Variants in CD33 observed in about 807,000 individuals in gnomAD.
The protein encoded by CD33 is myeloid cell surface antigen CD33.
A neutral mutation model predicts 31.4 loss-of-function variants in CD33; 25 were observed. The observed-to-expected ratio is 0.80, with a 90% confidence interval of 0.58 to 1.11. CD33 has a LOEUF of 1.11. CD33 is among the 50% of genes most tolerant of loss of function. The pLI is 0.00. For synonymous variants in CD33, 176 were observed against 180.6 expected, an observed-to-expected ratio of 0.97 and a Z score of 0.20; for missense variants, 407 against 448.1, an observed-to-expected ratio of 0.91 and a Z score of 0.83.
the CD33 span, among the ~76,000 whole-genome samples, chr19:51,212,614 T>G: frequency 6.6e-6 from 1 of 151,962 alleles, no homozygotes; most frequent in African/African-American, 2.4e-5. Context: ...ACCCAGCCTT[T>G]CAGCTTCCCT....
chr19:51,238,562 C>T (rs1981954984), intron 6 of CD33: 1 of 152,300 alleles, frequency 6.6e-6, no homozygotes, highest in East Asian at 1.9e-4. Context: ...GAAGATGGGG[C>T]TTCATGGAGG....
chr19:51,234,679 G>T (rs536356884), intron 4 of CD33, among the ~76,000 whole-genome samples: 1 of 152,252 alleles, frequency 6.6e-6, no homozygotes, highest in East Asian at 1.9e-4. Context: ...AGAACTGTCT[G>T]GGTCTAAGAA....
chr19:51,225,014 T>A, upstream of CD33: 1 of 1,399,636 alleles, frequency 7.1e-7, no homozygotes, highest in South Asian at 1.2e-5. Flanking sequence ...AGGGCTGAGG[T>A]CTCCTGCTCC....
At chr19:51,220,486 G>A (rs1015127509), upstream of CD33, among the ~76,000 whole-genome samples, 1 of 152,142 alleles carries the variant, frequency 6.6e-6, no homozygotes, top group South Asian at 2.1e-4. Flanking sequence ...TCCTACTTCT[G>A]TCTCTGGGGC....
chr19:51,229,882 CT>C (rs1981287429), intron 4 of CD33, among the ~76,000 whole-genome samples: 1 of 151,480 alleles, frequency 6.6e-6, no homozygotes, highest in South Asian at 2.1e-4. Flanking sequence ...CTGCTCTGAT[CT>C]TTATGATTTC....
Position 51,235,185 on chromosome 19 carries a change from T to A in CD33, c.774T>A (p.Val258=). 6.2e-7 allele frequency: 1 copy of A among 1,614,170 alleles called. No homozygotes were observed. The highest frequency in any genetic ancestry group is 8.5e-7 in the Non-Finnish European group (1 of 1,179,996). ...AACAAGAGACCAGAGCAGGAGTGGT[T>A]CATGGGGCCATTGGAGGAGCTGGTG... The part of the protein sequence containing the change: ...SGKQETRAGV[V]HGAIGGAGVT... Residue 258 remains valine (V), a synonymous_variant, in exon 5 of 7, where the codon GTT becomes GTA. Coordinates refer to ENST00000262262, the MANE Select transcript of CD33 (RefSeq NM_001772.4).
intron 4 of CD33, among the ~76,000 whole-genome samples, chr19:51,229,734 A>G (rs1194656411): frequency 6.6e-6 from 1 of 151,822 alleles, no homozygotes. Context: ...AACCATTGTG[A>G]CATCTTCTTT....
chr19:51,228,056 T>C (rs1981157551), intron 4 of CD33, among the ~76,000 whole-genome samples: 1 of 152,040 alleles, frequency 6.6e-6, no homozygotes, highest in Admixed American at 6.5e-5. Flanking sequence ...GTGTTCTCTA[T>C]TATGTATTAT....
intron 4 of CD33, among the ~76,000 whole-genome samples, chr19:51,230,716 T>G (rs1981341152): frequency 6.6e-6 from 1 of 152,260 alleles, no homozygotes; most frequent in Non-Finnish European, 1.5e-5. Flanking sequence ...GAATATCTTT[T>G]TCCATCTCTT....
chr19:51,211,890 A>G, the CD33 span: 2 of 1,437,690 alleles, frequency 1.4e-6, no homozygotes, highest in Non-Finnish European at 9.8e-7. Context: ...TGAGCAGGGG[A>G]CGCCCCCCAT....
At chr19:51,235,457 A>T (rs1981716562) in intron 5 of CD33, 138 bp from the exon 6 acceptor site, 6 of 1,426,710 alleles carry the variant, frequency 4.2e-6, no homozygotes, top group Non-Finnish European at 4.7e-6. Context: ...GTAGAGGGAG[A>T]CCTTGTGACT....
chr19:51,212,248 G>A, the CD33 span, among the ~76,000 whole-genome samples: 1 of 152,094 alleles, frequency 6.6e-6, no homozygotes, highest in African/African-American at 2.4e-5. Context: ...TAGGGAAGGA[G>A]TGCCGCCCTT....
upstream of CD33, among the ~76,000 whole-genome samples, chr19:51,223,014 G>A (rs1980757535): frequency 1.3e-5 from 2 of 152,058 alleles, no homozygotes; most frequent in African/African-American, 4.8e-5. Flanking sequence ...AGGAGTTCAA[G>A]ATCAGCCTGG....
At position 51,235,237 on chromosome 19, in the gene CD33, T is replaced by C. The variant is rs528129804; in HGVS notation, c.826T>C (p.Cys276Arg). 6.2e-7 allele frequency: 1 copy of C among 1,614,040 alleles called. No homozygotes were observed. The highest frequency in any genetic ancestry group is 1.1e-5 in the South Asian group (1 of 91,084). ...TACAGCCCTGCTCGCTCTTTGTCTC[T>C]GCCTCATCTTCTTCATGTGAGCATT... ...GVTALLALCL[C>R]LIFFIVKTHR... The change falls in exon 5 of 7, where the codon TGC (cysteine) becomes CGC (arginine). Residue 276 changes from cysteine to arginine, a missense_variant. Physicochemically the swap from Cys to Arg is radical, Grantham distance 180. Coordinates refer to ENST00000262262, the MANE Select transcript of CD33 (RefSeq NM_001772.4).
At chr19:51,220,804 C>A (rs1980653541), upstream of CD33, among the ~76,000 whole-genome samples, 1 of 152,160 alleles carries the variant, frequency 6.6e-6, no homozygotes, top group Admixed American at 6.5e-5. Flanking sequence ...ATTACTTTCT[C>A]TGTTCTTTCC....
intron 6 of CD33, chr19:51,236,911 C>T (rs1981843444): frequency 6.6e-6 from 1 of 152,262 alleles, no homozygotes; most frequent in Non-Finnish European, 1.5e-5. Flanking sequence ...GGTCATTGTC[C>T]CATCATTCCC....
In CD33 at chr19:51,235,267, C is replaced by T. The variant is rs1250467336; in HGVS notation, c.842+14C>T. On this transcript the variant is annotated intron_variant, in intron 5 of 6. Transcript: ENST00000262262. ...CATCTTCTTCATGTGAGCATTTTCT[C>T]TGGGTCAGGCATGGGCCAGAGGTGA... is the stretch of plus-strand genomic sequence containing the variant. 2 of 1,610,602 alleles carry T rather than the reference C, an allele frequency of 1.2e-6. No individual in the cohort carries two copies. Among genetic ancestry groups the T allele is most frequent in the Non-Finnish European group, 1.7e-6 (2 of 1,176,916 alleles).
At chr19:51,224,487 C>T (rs1038816837), upstream of CD33, among the ~76,000 whole-genome samples, 1 of 152,108 alleles carries the variant, frequency 6.6e-6, no homozygotes, top group Non-Finnish European at 1.5e-5. Flanking sequence ...AAGTGATTTC[C>T]TTGAAATGCA....
chr19:51,223,436 C>A (rs1980784808), upstream of CD33, among the ~76,000 whole-genome samples: 1 of 152,080 alleles, frequency 6.6e-6, no homozygotes, highest in Admixed American at 6.6e-5. Context: ...ACTAATATGT[C>A]CCAGGGATCA....
Sources: gnomAD v4.1 joint callset for allele counts (sites outside exome capture counted in the v4.1 genomes callset) on GRCh38, gnomAD v4.1.1 for gene constraint, MANE v1.5 for transcripts, NCBI Gene and HGNC (gene_info 2026-07-23, HGNC 2026-07-21) for gene names.